The following ABCC5 variants were observed in gnomAD, a reference collection of about 807,000 sequenced individuals.
ABCC5 encodes the protein ATP-binding cassette sub-family C member 5.
Under a neutral mutation model 160.9 loss-of-function variants are expected in ABCC5, and 61 were observed. The ratio of observed to expected loss-of-function variants is 0.38; its 90% CI spans 0.31 to 0.47. ABCC5 has a LOEUF of 0.47. Among genes scored for constraint, ABCC5 ranks in the 20% least tolerant of loss-of-function variants. ABCC5 has a pLI of 0.99. For missense variants in ABCC5, 1,308 were observed against 1,813.3 expected (o/e 0.72, Z 5.06); for synonymous variants, 666 against 700.6 (o/e 0.95, Z 0.78).
intron 10 of ABCC5, among the ~76,000 whole-genome samples, chr3:183,972,464 A>G (rs1717843016): frequency 6.6e-6 from 1 of 152,182 alleles, no homozygotes; most frequent in African/African-American, 2.4e-5. Flanking sequence ...CGCAGAGAAC[A>G]TCTTCTTGCC....
Position 183,947,589 on chromosome 3 carries a change from T to C in ABCC5, c.3228-79A>G, listed in dbSNP as rs576875632. On this transcript the variant is annotated intron_variant, in intron 22 of 29. Coordinates refer to ENST00000334444, the MANE Select transcript of ABCC5 (RefSeq NM_005688.4). ...ATGGACAAAGCTTCAGCGAATCAGA[T>C]GATGGAGGGCACGTATTTAAATACT... The C allele has an allele frequency of 3.0e-3, 3,448 of 1,151,206 alleles. 11 individuals carry two copies. Among genetic ancestry groups the C allele is most frequent in the Non-Finnish European group, 3.8e-3 (3,129 of 829,220 alleles). The allele number at this position is 1,151,206 out of a possible 1,614,324, so 71.3% of individuals were successfully genotyped here. A position where few individuals can be genotyped will look rare whatever the true frequency, so the allele number is the denominator to read the frequency against.
intron 8 of ABCC5, among the ~76,000 whole-genome samples, chr3:183,980,714 GTT>G (rs11364435): frequency 6.6e-5 from 9 of 136,066 alleles, no homozygotes; most frequent in African/African-American, 8.8e-5. Flanking sequence ...ACACTGTTTT[GTT>G]TTTTTTTTTT....
chr3:183,985,508 T>A, intron 5 of ABCC5: 1 of 815,568 alleles, frequency 1.2e-6, no homozygotes. Context: ...CTAAGGGTTT[T>A]ACACTGTCCT....
intron 25 of ABCC5, among the ~76,000 whole-genome samples, chr3:183,940,409 G>A (rs557070456): frequency 6.7e-5 from 9 of 133,570 alleles, no homozygotes; most frequent in Non-Finnish European, 1.1e-4. Flanking sequence ...CTCCAGAGCC[G>A]AGATTGCACC....
intron 2 of ABCC5, chr3:184,001,276 A>G (rs1720722987): frequency 2.0e-6 from 1 of 503,172 alleles, no homozygotes; most frequent in Admixed American, 3.3e-5. Context: ...TAAAAGGTAA[A>G]TTAATTTAAA....
Position 183,963,507 on chromosome 3 carries a change from T to C in ABCC5, c.2113A>G (p.Ile705Val), listed in dbSNP as rs1716957426. 1.2e-6 allele frequency: 2 copies of C among 1,614,128 alleles called. No individual in the cohort carries two copies. The highest frequency in any genetic ancestry group is 3.3e-5 in the Admixed American group (2 of 60,008). Residue 705 changes from isoleucine (I) to valine (V), a missense_variant, in exon 15 of 30, where the codon ATC becomes GTC. Ile to Val is a conservative substitution (Grantham distance 29). Coordinates refer to ENST00000334444, the MANE Select transcript of ABCC5 (RefSeq NM_005688.4). The surrounding 1 kb of genome is among the most constrained non-coding windows in gnomAD (Gnocchi z 4.6). The part of the protein sequence containing the change: ...LARALYSDRS[I>V]YILDDPLSAL... Reference sequence around the variant, plus strand: ...CTGAGGGGGTCGTCCAGGATGTAGATGCTCCTGTCACTATACAAGGCCCGG... The same window carrying C: ...CTGAGGGGGTCGTCCAGGATGTAGACGCTCCTGTCACTATACAAGGCCCGG...
At chr3:183,961,144 CTTGT>C (rs1211763787) in intron 16 of ABCC5, among the ~76,000 whole-genome samples, 6 of 152,164 alleles carry the variant, frequency 3.9e-5, no homozygotes, top group African/African-American at 1.2e-4. Flanking sequence ...ACTTTATTCA[CTTGT>C]TTATTTAAAA....
intron 5 of ABCC5, chr3:183,983,313 G>A: frequency 2.5e-6 from 1 of 395,478 alleles, no homozygotes; most frequent in Non-Finnish European, 4.7e-6. Flanking sequence ...TCATTCAAAA[G>A]TATAGCTTTG....
In ABCC5 at chr3:183,963,018, T is replaced by G. The variant is rs568093048; in HGVS notation, c.2235+367A>C. 3.0e-4 allele frequency among the ~76,000 whole-genome samples: 45 copies of G among 152,332 alleles called. No homozygotes were observed. The highest frequency in any genetic ancestry group is 1.5e-5 in the Non-Finnish European group (1 of 68,026). ...TGAGCTGCTCTCCAAAGTGCCTGCT[T>G]ATGATGGAATGGCAGAGGGAGAAAA... On this transcript the variant is annotated intron_variant, in intron 15 of 29. Transcript: ENST00000334444. The surrounding 1 kb of genome is among the most constrained non-coding windows in gnomAD (Gnocchi z 4.6).
At chr3:184,007,218 C>T (rs989810299) in intron 2 of ABCC5, among the ~76,000 whole-genome samples, 1 of 151,444 alleles carries the variant, frequency 6.6e-6, no homozygotes, top group Admixed American at 6.6e-5. Flanking sequence ...GGCAGGGTTT[C>T]ACCATGTTAG....
intron 5 of ABCC5, chr3:183,985,107 A>T: frequency 1.5e-6 from 1 of 668,020 alleles, no homozygotes; most frequent in Non-Finnish European, 2.5e-6. Context: ...TCGGGTTTTT[A>T]AATAACAATG....
intron 5 of ABCC5, chr3:183,985,422 C>T (rs1318536030): frequency 2.0e-6 from 3 of 1,535,018 alleles, no homozygotes; most frequent in Non-Finnish European, 2.7e-6. Flanking sequence ...AGAGAGACTC[C>T]CCCCAAATCC....
intron 25 of ABCC5, among the ~76,000 whole-genome samples, chr3:183,939,986 C>A (rs185097223): frequency 6.6e-6 from 1 of 152,078 alleles, no homozygotes; most frequent in Non-Finnish European, 1.5e-5. Flanking sequence ...CAGCCACGAC[C>A]CCACTGTCGG....
chr3:183,947,564 A>G (rs1714965485), intron 22 of ABCC5, 54 bp from the exon 23 acceptor site: 4 of 1,418,714 alleles, frequency 2.8e-6, no homozygotes, highest in Admixed American at 2.4e-5. Flanking sequence ...AACCCCGCGC[A>G]TGGACAAAGC....
rs562910676 is a variant in ABCC5 at position 183,938,322 on chromosome 3, G to A, written c.3695-262C>T. ...CCATTTTCATTTTTTTTTTTGAGAC[G>A]GAGTCTCACTCTGCTGCCCAGGCTG... On this transcript the variant is annotated intron_variant, in intron 25 of 29. Transcript: ENST00000334444. Among the ~76,000 whole-genome samples the A allele has an allele frequency of 3.3e-5, 5 of 151,530 alleles. No individual in the cohort carries two copies. In the South Asian group the frequency reaches 6.3e-4, roughly 19 times the overall value.
At chr3:183,947,776 T>A (rs550459582) in intron 22 of ABCC5, among the ~76,000 whole-genome samples, 18 of 152,284 alleles carry the variant, frequency 1.2e-4, no homozygotes, top group Admixed American at 7.2e-4. Flanking sequence ...ATGGAAAACA[T>A]CTATCTCAGC....
Position 183,951,930 on chromosome 3 carries a change from T to C in ABCC5, c.2741A>G (p.Tyr914Cys). The C allele has an allele frequency of 6.2e-7, 1 of 1,614,066 alleles. No individual in the cohort carries two copies. The highest frequency in any genetic ancestry group is 1.3e-5 in the African/African-American group (1 of 75,048). Residue 914 changes from tyrosine to cysteine, a missense_variant, in exon 19 of 30, where the codon TAT (tyrosine) becomes TGT (cysteine). Transcript: ENST00000334444. The surrounding 1 kb of genome is among the most constrained non-coding windows in gnomAD (Gnocchi z 4.7). ...CATGGAGAGGGCGTAGATGCTGGCA[T>C]AGTACTGCATATGAGGATTGTCCTT... is the stretch of plus-strand genomic sequence containing the variant. Reference protein sequence around the residue: ...SMKDNPHMQYYASIYALSMAV... With the variant: ...SMKDNPHMQYCASIYALSMAV...
At position 183,959,811 on chromosome 3, in the gene ABCC5, C is replaced by A. The variant is rs765789998; in HGVS notation, c.2404G>T (p.Gly802Cys). 1.9e-5 allele frequency: 31 copies of A among 1,610,696 alleles called. 1 individual carries two copies. In the Admixed American group the frequency reaches 5.2e-4, roughly 27 times the overall value. ...TTGTCTTGTGACTTCTTCTGTGAAC[C>A]ACTGGTTTCCTTTTTTGAATTGATC... ...VEINSKKETSGSQKKSQDKGP... is the reference protein window; with the variant it reads ...VEINSKKETSCSQKKSQDKGP... Residue 802 changes from glycine (G) to cysteine (C), a missense_variant, in exon 17 of 30, where the codon GGT becomes TGT. This residue lies in a region of ABCC5 where 1,142 missense variants were observed against 1,527.1 expected (regional missense o/e 0.75). Transcript: ENST00000334444.
At chr3:183,933,418 G>A (rs182007511) in intron 26 of ABCC5, among the ~76,000 whole-genome samples, 3 of 152,246 alleles carry the variant, frequency 2.0e-5, no homozygotes, top group Admixed American at 6.5e-5. Flanking sequence ...CAGCTGCGGG[G>A]GATAGGACAG....
Sources: gnomAD v4.1 joint callset for allele counts (sites outside exome capture counted in the v4.1 genomes callset) on GRCh38, gnomAD v4.1.1 for gene constraint, gnomAD v4.1.1 regional missense constraint, Gnocchi (gnomAD v3.1) non-coding constraint, MANE v1.5 for transcripts, NCBI Gene and HGNC (gene_info 2026-07-23, HGNC 2026-07-21) for gene names.